The following PIK3C2G variants were observed in gnomAD, a reference collection of about 807,000 sequenced individuals.
The protein encoded by PIK3C2G is phosphatidylinositol 3-kinase C2 domain-containing subunit gamma.
A neutral mutation model predicts 181.1 loss-of-function variants in PIK3C2G; 168 were observed. That is an observed-to-expected ratio of 0.93 (90% CI 0.82 to 1.05). The LOEUF (loss-of-function observed/expected upper bound fraction) is 1.05, where lower values mean the gene tolerates loss of function less well. Ranked by LOEUF, PIK3C2G falls within the 50% of genes least tolerant of loss-of-function variation. PIK3C2G has a pLI of 0.00. For missense variants in PIK3C2G, 1,869 were observed against 1,732.8 expected (o/e 1.08, Z -1.40); for synonymous variants, 573 against 592.2 (o/e 0.97, Z 0.47).
At chr12:18,718,652 G>A in the PIK3C2G span, among the ~76,000 whole-genome samples, 6 of 151,924 alleles carry the variant, frequency 3.9e-5, no homozygotes, top group Non-Finnish European at 8.8e-5. Context: ...TTTACCTCTT[G>A]AGAAGACTTT....
At position 18,541,809 on chromosome 12, in the gene PIK3C2G, G is replaced by A. The variant is rs976663516; in HGVS notation, c.3480+3497G>A. Among the ~76,000 whole-genome samples, 6 of 151,882 alleles carry A rather than the reference G, an allele frequency of 4.0e-5. No individual in the cohort carries two copies. In the East Asian group the frequency reaches 1.2e-3, roughly 30 times the overall value. On this transcript the variant is annotated intron_variant, in intron 25 of 32. Coordinates refer to ENST00000538779, the MANE Select transcript of PIK3C2G (RefSeq NM_001288772.2). ...AACCATGTGGCTAGGGGTCAGAGAA[G>A]AGACATAGCTAAGTGTACCCGGCTA...
intron 5 of PIK3C2G, among the ~76,000 whole-genome samples, chr12:18,303,274 C>T (rs546682459): frequency 3.4e-5 from 5 of 148,564 alleles, no homozygotes; most frequent in Non-Finnish European, 7.5e-5. Flanking sequence ...TTCCCTCCCT[C>T]CCTCTCTCCT....
chr12:18,585,272 G>T (rs1253559017), intron 29 of PIK3C2G, among the ~76,000 whole-genome samples: 1 of 151,924 alleles, frequency 6.6e-6, no homozygotes. Flanking sequence ...AGACCCAGTG[G>T]TATGCTATCT....
intron 25 of PIK3C2G, among the ~76,000 whole-genome samples, chr12:18,545,074 T>C (rs1043959860): frequency 6.6e-4 from 101 of 152,022 alleles, no homozygotes; most frequent in African/African-American, 1.8e-3. Context: ...GCTTTCTTGT[T>C]TTTTTGTACT....
intron 31 of PIK3C2G, among the ~76,000 whole-genome samples, chr12:18,634,620 G>A (rs1016038758): frequency 2.0e-5 from 3 of 152,094 alleles, no homozygotes; most frequent in Non-Finnish European, 4.4e-5. Flanking sequence ...TGACATTTTG[G>A]GCACTCAGCA....
intron 18 of PIK3C2G, among the ~76,000 whole-genome samples, chr12:18,433,233 G>GT (rs1315537922): frequency 6.6e-6 from 1 of 152,158 alleles, no homozygotes; most frequent in East Asian, 1.9e-4. Flanking sequence ...CATTAAATGT[G>GT]TCCCGGCGTG....
intron 23 of PIK3C2G, among the ~76,000 whole-genome samples, chr12:18,504,309 TCTA>T (rs1241981009): frequency 9.8e-5 from 15 of 152,318 alleles, no homozygotes; most frequent in Admixed American, 7.8e-4. Context: ...TACCTTGAAG[TCTA>T]CTTTTTAGCT....
At chr12:18,671,853 A>T in the PIK3C2G span, among the ~76,000 whole-genome samples, 12 of 152,302 alleles carry the variant, frequency 7.9e-5, no homozygotes, top group South Asian at 2.5e-3. Context: ...GAGAAGTTTA[A>T]GATCAAGGCG....
intron 16 of PIK3C2G, among the ~76,000 whole-genome samples, chr12:18,409,665 A>G (rs190470579): frequency 6.6e-6 from 1 of 152,278 alleles, no homozygotes; most frequent in East Asian, 1.9e-4. Context: ...AATGAACAGA[A>G]TGAGAAAATG....
chr12:18,361,143 C>G (rs1244300418), intron 11 of PIK3C2G, among the ~76,000 whole-genome samples: 1 of 151,964 alleles, frequency 6.6e-6, no homozygotes, highest in South Asian at 2.1e-4. Context: ...TTTCAAATAA[C>G]CTGTCTTCAA....
At chr12:18,517,031 C>CT (rs3983627) in intron 24 of PIK3C2G, among the ~76,000 whole-genome samples, 5,207 of 139,702 alleles carry the variant, frequency 0.037, 111 homozygotes, top group African/African-American at 0.053. Flanking sequence ...TTTGCTTTTC[C>CT]TTTTTTTTTT....
At chr12:18,659,242 T>A in the PIK3C2G span, among the ~76,000 whole-genome samples, 21 of 152,192 alleles carry the variant, frequency 1.4e-4, no homozygotes, top group Admixed American at 3.9e-4. Context: ...ACCTTTACCA[T>A]CTTATTTAAT....
chr12:18,687,789 T>C, the PIK3C2G span, among the ~76,000 whole-genome samples: 2 of 152,056 alleles, frequency 1.3e-5, no homozygotes, highest in African/African-American at 4.8e-5. Flanking sequence ...TTTGAGGCTG[T>C]TAAAATGCCT....
intron 8 of PIK3C2G, among the ~76,000 whole-genome samples, chr12:18,328,794 G>A (rs1951462754): frequency 6.6e-6 from 1 of 151,858 alleles, no homozygotes; most frequent in Non-Finnish European, 1.5e-5. Flanking sequence ...TACTGCTACC[G>A]TTTCTATCAC....
intron 24 of PIK3C2G, among the ~76,000 whole-genome samples, chr12:18,510,716 T>C (rs1311308192): frequency 2.0e-5 from 3 of 152,170 alleles, no homozygotes; most frequent in Non-Finnish European, 2.9e-5. Context: ...ATTTTTATTT[T>C]TGAAAAAGTT....
At chr12:18,389,471 T>C (rs1943399142) in intron 14 of PIK3C2G, among the ~76,000 whole-genome samples, 1 of 152,178 alleles carries the variant, frequency 6.6e-6, no homozygotes, top group African/African-American at 2.4e-5. Flanking sequence ...AAGCGCAGCT[T>C]TGGGGTGCTA....
intron 24 of PIK3C2G, among the ~76,000 whole-genome samples, chr12:18,523,769 A>G: frequency 6.6e-6 from 1 of 152,182 alleles, no homozygotes; most frequent in East Asian, 1.9e-4. Context: ...CAGTATGGGG[A>G]AAACTTAAAT....
chr12:18,615,475 G>C lies in PIK3C2G; in HGVS notation c.4182+5846G>C, dbSNP rs936255337. On this transcript the variant is annotated intron_variant, in intron 31 of 32. Transcript: ENST00000538779. ...ATATATCATTTTTTTTCACTTGTTG[G>C]TTGATGGGCATCTAGACTGTTTCCA... Among the ~76,000 whole-genome samples, 4 of 150,772 alleles carry C rather than the reference G, an allele frequency of 2.7e-5. No individual in the cohort carries two copies. In the South Asian group the frequency reaches 8.4e-4, roughly 32 times the overall value.
intron 31 of PIK3C2G, among the ~76,000 whole-genome samples, chr12:18,615,440 C>A (rs917346323): frequency 6.9e-6 from 1 of 143,928 alleles, no homozygotes; most frequent in African/African-American, 2.6e-5. Flanking sequence ...TATATATATA[C>A]CTAAAATATA....
Sources: gnomAD v4.1 joint callset for allele counts (sites outside exome capture counted in the v4.1 genomes callset) on GRCh38, gnomAD v4.1.1 for gene constraint, MANE v1.5 for transcripts, NCBI Gene and HGNC (gene_info 2026-07-23, HGNC 2026-07-21) for gene names.